The following NCAM1 variants were observed in gnomAD, a reference collection of about 807,000 sequenced individuals.
NCAM1 encodes antigen recognized by monoclonal antibody 5.1H11.
In NCAM1, 14 loss-of-function variants were observed where a neutral mutation model predicts 109.8. The ratio of observed to expected loss-of-function variants is 0.13; its 90% CI spans 0.08 to 0.20. NCAM1 has a LOEUF of 0.20. Ranked by LOEUF, NCAM1 falls within the 10% of genes least tolerant of loss-of-function variation. The pLI, the probability that NCAM1 is intolerant of heterozygous loss-of-function variation, is 1.00. For synonymous variants in NCAM1, 418 were observed against 442.9 expected (o/e 0.94, Z 0.70); for missense variants, 774 against 1,109.9 (o/e 0.70, Z 4.30).
At chr11:113,256,952 C>T (rs1945849486) in intron 16 of NCAM1, among the ~76,000 whole-genome samples, 1 of 152,226 alleles carries the variant, frequency 6.6e-6, no homozygotes, top group Non-Finnish European at 1.5e-5. Flanking sequence ...TTCCTCTCTG[C>T]CTTGTGATCA....
chr11:113,144,026 A>G (rs963659454), intron 1 of NCAM1, among the ~76,000 whole-genome samples: 1 of 152,206 alleles, frequency 6.6e-6, no homozygotes, highest in Non-Finnish European at 1.5e-5. Flanking sequence ...AGTGGGATCA[A>G]TATGACTTAG....
Position 113,202,399 on chromosome 11 carries a change from G to T in NCAM1, c.73G>T (p.Val25Phe). 6.2e-7 allele frequency: 1 copy of T among 1,611,478 alleles called. No homozygotes were observed. Among genetic ancestry groups the T allele is most frequent in the Non-Finnish European group, 8.5e-7 (1 of 1,178,536 alleles). The change falls in exon 2 of 20, where the codon GTT (valine) becomes TTT (phenylalanine). Residue 25 changes from valine (V) to phenylalanine (F), a missense_variant. Val to Phe is a conservative substitution (Grantham distance 50, BLOSUM62 -1). Coordinates refer to ENST00000316851, the MANE Select transcript of NCAM1 (RefSeq NM_181351.5). Reference protein sequence around the residue: ...GTAVSLQVDIVPSQGEISVGE... With the variant: ...GTAVSLQVDIFPSQGEISVGE... Reference sequence around the variant, plus strand: ...TTCAGTTTCTCTGCAGGTGGATATTGTTCCCAGCCAGGGGGAGATCAGCGT... The same window carrying T: ...TTCAGTTTCTCTGCAGGTGGATATTTTTCCCAGCCAGGGGGAGATCAGCGT...
At chr11:113,197,473 T>C (rs1254843075) in intron 1 of NCAM1, among the ~76,000 whole-genome samples, 1 of 152,214 alleles carries the variant, frequency 6.6e-6, no homozygotes, top group Non-Finnish European at 1.5e-5. Context: ...TTTTCAAAAG[T>C]CCATGGTCAT....
At position 113,259,997 on chromosome 11, in the gene NCAM1, G is replaced by T. The variant is rs1555122982; in HGVS notation, c.1954-149G>T. 6 of 650,750 alleles carry T rather than the reference G, an allele frequency of 9.2e-6. No individual in the cohort carries two copies. The Admixed American group carries it at 2.0e-4, about 21-fold the overall frequency. The allele number at this position is 650,750 out of a possible 1,614,324, so 40.3% of individuals were successfully genotyped here. On this transcript the variant is annotated intron_variant, in intron 16 of 19. Transcript: ENST00000316851. ...TAGGATTATAGGCATGAGCCACCGCGCCCACCCCCATCATTGCTTCTTATT... is the reference window on the plus strand; with the variant it reads ...TAGGATTATAGGCATGAGCCACCGCTCCCACCCCCATCATTGCTTCTTATT...
At position 112,962,053 on chromosome 11, in the gene NCAM1, A is replaced by C. The variant is rs1317623760; in HGVS notation, c.52+389A>C. 6.6e-6 allele frequency among the ~76,000 whole-genome samples: 1 copy of C among 151,982 alleles called. No homozygotes were observed. The highest frequency in any genetic ancestry group is 1.5e-5 in the Non-Finnish European group (1 of 67,980). ...GTCGCGGCTCGGGTGGTGCCGCCGC[A>C]CGGGCTCGGATTCCGAGGGGGAAGT... On this transcript the variant is annotated intron_variant, in intron 1 of 19. Transcript: ENST00000316851. This position sits in a 1 kb window ranked among gnomAD's most constrained non-coding sequence, Gnocchi z 5.6.
chr11:113,105,829 G>A (rs1314340726), intron 1 of NCAM1, among the ~76,000 whole-genome samples: 8 of 152,130 alleles, frequency 5.3e-5, no homozygotes, highest in Admixed American at 3.3e-4. Context: ...AAAATTAGTG[G>A]CGCTGGTTGC....
chr11:113,231,469 C>A, intron 9 of NCAM1, 176 bp from the exon 10 acceptor site: 1 of 862,442 alleles, frequency 1.2e-6, no homozygotes, highest in Non-Finnish European at 1.8e-6. Context: ...CCCAGTGCCT[C>A]CCCCATTAGA....
intron 17 of NCAM1, chr11:113,264,311 G>T (rs1946088040): frequency 1.0e-6 from 1 of 985,232 alleles, no homozygotes; most frequent in Non-Finnish European, 1.2e-6. Flanking sequence ...ATGATCCCAT[G>T]CTGTGGTCTG....
chr11:113,007,538 C>T (rs1006616938), intron 1 of NCAM1, among the ~76,000 whole-genome samples: 2 of 152,192 alleles, frequency 1.3e-5, no homozygotes, highest in Non-Finnish European at 2.9e-5. Context: ...GGTCCCAAAA[C>T]TGCCATATTT....
chr11:113,204,653 C>A, intron 3 of NCAM1, 149 bp downstream of exon 3: 1 of 735,274 alleles, frequency 1.4e-6, no homozygotes, highest in Non-Finnish European at 2.2e-6. Flanking sequence ...TGACCTTGGC[C>A]AACCCAGAAC....
chr11:113,269,963 C>T (rs1591475848), intron 17 of NCAM1: 1 of 582,516 alleles, frequency 1.7e-6, no homozygotes, highest in Middle Eastern at 4.6e-4. Flanking sequence ...ACCCCTGTTC[C>T]CCAATCTGTG....
intron 1 of NCAM1, among the ~76,000 whole-genome samples, chr11:113,029,771 T>C (rs534083970): frequency 1.3e-5 from 2 of 152,372 alleles, no homozygotes; most frequent in South Asian, 2.1e-4. Context: ...ATTAATTTAA[T>C]GGAATGTTTC....
intron 1 of NCAM1, among the ~76,000 whole-genome samples, chr11:113,169,174 C>G (rs1238797033): frequency 6.6e-6 from 1 of 151,902 alleles, no homozygotes; most frequent in Non-Finnish European, 1.5e-5. Flanking sequence ...CTGATAGCAA[C>G]CATATCCCAA....
At chr11:113,177,580 T>C (rs1420961427) in intron 1 of NCAM1, among the ~76,000 whole-genome samples, 4 of 152,036 alleles carry the variant, frequency 2.6e-5, no homozygotes, top group African/African-American at 4.8e-5. Flanking sequence ...ACTACAGGCG[T>C]GTACCACCAC....
intron 14 of NCAM1, chr11:113,236,342 C>T (rs1945166513): frequency 1.2e-6 from 2 of 1,609,468 alleles, no homozygotes; most frequent in African/African-American, 1.3e-5. Context: ...ACCTCATTAC[C>T]TGTTTCCATA....
chr11:113,235,153 C>T lies in NCAM1; in HGVS notation c.1814C>T (p.Thr605Met), dbSNP rs782353037. The T allele has an allele frequency of 7.4e-6, 12 of 1,613,920 alleles. No homozygotes were observed. Among genetic ancestry groups the T allele is most frequent in the African/African-American group, 2.7e-5 (2 of 75,074 alleles). ...GEISAASEFK[T>M]QPVQGEPSAP... is the part of the protein sequence containing the mutation. ...ATCAGCGCGGCCTCCGAGTTCAAGA[C>T]GCAGCCAGTCCGTAAGTAAAGCCAG... is the stretch of plus-strand genomic sequence containing the variant. Residue 605 changes from threonine (T) to methionine (M), a missense_variant, in exon 14 of 20, where the codon ACG becomes ATG. Around this residue, in one of 4 missense-constraint regions of NCAM1, gnomAD observed 523 missense variants for 784.2 expected, o/e 0.67. Transcript: ENST00000316851.
intron 18 of NCAM1, 75 bp downstream of exon 18, chr11:113,270,470 T>C (rs1946242526): frequency 7.2e-7 from 1 of 1,387,362 alleles, no homozygotes; most frequent in Non-Finnish European, 1.0e-6. Context: ...TGCACCACCC[T>C]GCGCCATCAG....
intron 1 of NCAM1, among the ~76,000 whole-genome samples, chr11:113,121,507 C>T (rs1333100144): frequency 8.0e-6 from 1 of 124,986 alleles, no homozygotes; most frequent in Admixed American, 1.0e-4. Context: ...AGGCATGAGC[C>T]ACTGTGCCTG....
intron 1 of NCAM1, among the ~76,000 whole-genome samples, chr11:113,178,260 G>A (rs1444113010): frequency 6.6e-6 from 1 of 152,156 alleles, no homozygotes; most frequent in Non-Finnish European, 1.5e-5. Context: ...GGGGCCAAAT[G>A]GGAGAGAAAG....
Sources: gnomAD v4.1 joint callset for allele counts (sites outside exome capture counted in the v4.1 genomes callset) on GRCh38, gnomAD v4.1.1 for gene constraint, gnomAD v4.1.1 regional missense constraint, Gnocchi (gnomAD v3.1) non-coding constraint, MANE v1.5 for transcripts, NCBI Gene and HGNC (gene_info 2026-07-23, HGNC 2026-07-21) for gene names.